The following IRF3 variants were observed in gnomAD, a reference collection of about 807,000 sequenced individuals.
IRF3 encodes interferon regulatory factor 3.
IRF3 carries 29 observed loss-of-function variants against 43.2 expected under a neutral mutation model. That is an observed-to-expected ratio of 0.67 (90% confidence interval 0.50 to 0.91). The LOEUF is 0.91. IRF3 is among the 40% of genes least tolerant of loss of function. The pLI, the probability that IRF3 is intolerant of heterozygous loss-of-function variation, is 0.00. For synonymous variants in IRF3, 228 were observed against 233.9 expected (o/e 0.97, Z 0.23); for missense variants, 505 against 559.1 (o/e 0.90, Z 0.98).
rs755714719 is a variant in IRF3, at chr19:49,665,690, G to A, written c.-68C>T. On this transcript the variant is annotated 5_prime_UTR_variant, in exon 1 of 8. Transcript: ENST00000377139. ...AACCCACCCCTGTCTTGGAGCTCCGGGTAGCTCTCAAACTCGAGGCTGCGC... is the reference window on the plus strand; with the variant it reads ...AACCCACCCCTGTCTTGGAGCTCCGAGTAGCTCTCAAACTCGAGGCTGCGC... 5 of 1,243,576 alleles carry A rather than the reference G, an allele frequency of 4.0e-6. No homozygotes were observed. The highest frequency in any genetic ancestry group is 2.9e-4 in the Middle Eastern group (1 of 3,418). 77.0% of individuals were successfully genotyped at this position (1,243,576 alleles called of 1,614,324 possible).
intron 2 of IRF3, chr19:49,663,736 C>T (rs988295032): frequency 1.8e-6 from 1 of 548,134 alleles, no homozygotes. Context: ...ACTCCTGTCA[C>T]CCAGGCTGGA....
chr19:49,662,891 C>A (rs1177293117), intron 4 of IRF3, among the ~76,000 whole-genome samples: 1 of 152,242 alleles, frequency 6.6e-6, no homozygotes, highest in Non-Finnish European at 1.5e-5. Context: ...GATGCTCCCC[C>A]AGCTTGGGCC....
intron 6 of IRF3, chr19:49,661,117 G>A (rs1983123620): frequency 2.4e-6 from 1 of 422,014 alleles, no homozygotes; most frequent in Non-Finnish European, 4.2e-6. Context: ...TGGAGAAGCT[G>A]GTTGGCATTC....
chr19:49,660,610 G>T, intron 7 of IRF3, 103 bp downstream of exon 7: 1 of 1,204,728 alleles, frequency 8.3e-7, no homozygotes, highest in Non-Finnish European at 1.1e-6. Context: ...CTTGGAAGTT[G>T]CAGTTTTTTA....
chr19:49,660,908 C>T (rs2081296629), intron 6 of IRF3, 80 bp from the exon 7 acceptor site: 1 of 1,496,440 alleles, frequency 6.7e-7, no homozygotes, highest in Non-Finnish European at 9.0e-7. Context: ...TGATAACCCC[C>T]ACCACCTCCC....
chr19:49,659,768 C>T lies in IRF3; in HGVS notation c.1164G>A (p.Glu388=), dbSNP rs199714714. 5.6e-6 allele frequency: 9 copies of T among 1,613,348 alleles called. No homozygotes were observed. The Admixed American group carries it at 6.7e-5, about 12-fold the overall frequency. Residue 388 remains glutamate (E), a synonymous_variant, in exon 8 of 8, where the codon GAG becomes GAA. Coordinates refer to ENST00000377139, the MANE Select transcript of IRF3 (RefSeq NM_001571.6). ...TGGAAATGTGCAGGTCCACAGTATTCTCCAGGGAGGAGGCACCCCCTACCC... is the reference window on the plus strand; with the variant it reads ...TGGAAATGTGCAGGTCCACAGTATTTTCCAGGGAGGAGGCACCCCCTACCC... ...MARVGGASSL[E]NTVDLHISNS... is the part of the protein sequence containing the mutation.
intron 1 of IRF3, chr19:49,665,409 C>G (rs945865316): frequency 2.6e-4 from 48 of 182,110 alleles, no homozygotes; most frequent in Middle Eastern, 2.6e-3. Flanking sequence ...CCCTCCCTCT[C>G]TAGAACCCCC....
chr19:49,661,769 T>C (rs796774309), intron 6 of IRF3, 179 bp downstream of exon 6: 4 of 702,660 alleles, frequency 5.7e-6, no homozygotes, highest in African/African-American at 5.3e-5. Context: ...TTAGTAGAGA[T>C]GGGGTTTCAC....
Position 49,664,700 on chromosome 19 carries a change from G to C in IRF3, c.139C>G (p.Gln47Glu). ...PWKHGLRQDA[Q>E]QEDFGIFQAW... ...TGGAAGATTCCGAAATCCTCCTGCT[G>C]TGCATCCTGCCGTAGGCCGTGCTTC... The change falls in exon 2 of 8, where the codon CAG (glutamine) becomes GAG (glutamate). Residue 47 changes from glutamine (Q) to glutamate (E), a missense_variant. Physicochemically the swap from Gln to Glu is conservative, Grantham distance 29. Coordinates refer to ENST00000377139, the MANE Select transcript of IRF3 (RefSeq NM_001571.6). 1 of 1,613,962 alleles carries C rather than the reference G, an allele frequency of 6.2e-7. No individual in the cohort carries two copies.
intron 1 of IRF3, chr19:49,665,097 C>G: frequency 2.1e-6 from 1 of 477,178 alleles, no homozygotes; most frequent in East Asian, 3.6e-5. Context: ...CCTCCACTCC[C>G]TCAATTCCGC....
At chr19:49,665,356 C>A (rs934914576) in intron 1 of IRF3, 1 of 174,096 alleles carries the variant, frequency 5.7e-6, no homozygotes, top group Admixed American at 5.6e-5. Context: ...ACAGAGCACG[C>A]CCCAGGTTTC....
rs748641459 is a variant in IRF3, at chr19:49,659,656, C to A, written c.1276G>T (p.Glu426Ter). ...VEGMDFQGPG[E>*]S The stretch of plus-strand genomic sequence containing the variant: ...CCATGAGGAGCGAGGGCTCAGCTCT[C>A]CCCAGGGCCCTGGAAATCCATGCCC... Residue 426 changes from glutamate (E) to a stop codon, truncating the protein, a stop_gained, in exon 8 of 8, where the codon GAG becomes TAG. Transcript: ENST00000377139. LOFTEE classifies it high-confidence loss of function. 6.2e-7 allele frequency: 1 copy of A among 1,613,034 alleles called. No individual in the cohort carries two copies. The highest frequency in any genetic ancestry group is 1.7e-5 in the Admixed American group (1 of 59,862).
rs202075396 is a variant in IRF3 at position 49,662,338 on chromosome 19, G to A, written c.602-10C>T. 3.7e-4 allele frequency: 590 copies of A among 1,612,192 alleles called. 1 individual carries two copies. Among genetic ancestry groups the A allele is most frequent in the Non-Finnish European group, 4.8e-4 (561 of 1,178,758 alleles). On this transcript the variant is annotated splice_polypyrimidine_tract_variant and intron_variant, in intron 5 of 7. Transcript: ENST00000377139. Reference sequence around the variant, plus strand: ...ACCTCGAACTCCCACTCTGAGCAGCGGCAGCAGCGGCATGAAGGGGAGAGG... The same window carrying A: ...ACCTCGAACTCCCACTCTGAGCAGCAGCAGCAGCGGCATGAAGGGGAGAGG...
Position 49,659,834 on chromosome 19 carries a change from C to T in IRF3, c.1099-1G>A. 6.3e-7 allele frequency: 1 copy of T among 1,578,322 alleles called. No homozygotes were observed. The highest frequency in any genetic ancestry group is 8.6e-7 in the Non-Finnish European group (1 of 1,158,338). ...AGGCCCTGAGGCACGTGGGCACAAC[C>T]TGCAGGGGAAGTGGGGACAGGAGTC... On this transcript the variant is annotated splice_acceptor_variant, in intron 7 of 7. Coordinates refer to ENST00000377139, the MANE Select transcript of IRF3 (RefSeq NM_001571.6). LOFTEE classifies it high-confidence loss of function.
In IRF3 at chr19:49,664,662, C is replaced by A; in HGVS notation, c.165+12G>T. On this transcript the variant is annotated intron_variant, in intron 2 of 7. Transcript: ENST00000377139. ...GCTCCGGGTTTCCAGCGTCCCAGGTCGTCGCACGCACCTGGAAGATTCCGA... is the reference window on the plus strand; with the variant it reads ...GCTCCGGGTTTCCAGCGTCCCAGGTAGTCGCACGCACCTGGAAGATTCCGA... 1.2e-6 allele frequency: 2 copies of A among 1,611,050 alleles called. No homozygotes were observed. The highest frequency in any genetic ancestry group is 2.2e-5 in the South Asian group (2 of 90,974).
rs185063299 is a variant in IRF3 at position 49,665,503 on chromosome 19, A to G, written c.-9+128T>C. ...GCCGACCTCCAGCGTCGGCCACTGT[A>G]GCTCCTTCCTTGCTCCACTTTCCCC... is the stretch of plus-strand genomic sequence containing the variant. On this transcript the variant is annotated intron_variant, in intron 1 of 7. Transcript: ENST00000377139. 779 of 264,650 alleles carry G rather than the reference A, an allele frequency of 2.9e-3. 6 individuals are homozygous for G. Among genetic ancestry groups the G allele is most frequent in the African/African-American group, 0.013 (594 of 45,390 alleles). 16.4% of individuals were successfully genotyped at this position (264,650 alleles called of 1,614,324 possible).
chr19:49,660,640 G>T, intron 7 of IRF3, 73 bp downstream of exon 7: 1 of 1,417,480 alleles, frequency 7.1e-7, no homozygotes, highest in Non-Finnish European at 9.3e-7. Context: ...CTGGGAGTTG[G>T]AGTTCCTGGG....
chr19:49,662,726 G>T, intron 4 of IRF3, 109 bp from the exon 5 acceptor site: 1 of 887,060 alleles, frequency 1.1e-6, no homozygotes, highest in Non-Finnish European at 1.7e-6. Context: ...CTTGAGCTCT[G>T]CCTTCAAGGG....
intron 1 of IRF3, 77 bp from the exon 2 acceptor site, chr19:49,664,923 C>T: frequency 6.9e-7 from 1 of 1,445,472 alleles, no homozygotes; most frequent in Non-Finnish European, 9.2e-7. Flanking sequence ...GCACCCAGAC[C>T]TCCTTCTCAC....
Sources: gnomAD v4.1 joint callset for allele counts (sites outside exome capture counted in the v4.1 genomes callset) on GRCh38, gnomAD v4.1.1 for gene constraint, MANE v1.5 for transcripts, NCBI Gene and HGNC (gene_info 2026-07-23, HGNC 2026-07-21) for gene names.